The following SLC25A21 variants were observed in gnomAD, a reference collection of about 807,000 sequenced individuals.
The protein encoded by SLC25A21 is solute carrier family 25 member 21, also known as mitochondrial 2-oxodicarboxylate carrier.
In SLC25A21, 47 loss-of-function variants were observed where a neutral mutation model predicts 43.8. The observed-to-expected ratio is 1.07, with a 90% CI of 0.85 to 1.37. The LOEUF (loss-of-function observed/expected upper bound fraction) is 1.37, where lower values mean the gene tolerates loss of function less well. Ranked by LOEUF, SLC25A21 falls within the 40% of genes most tolerant of loss-of-function variation. SLC25A21 has a pLI of 0.00. For missense variants in SLC25A21, 352 were observed against 350.2 expected (o/e 1.00, Z -0.04); for synonymous variants, 131 against 121.3 (o/e 1.08, Z -0.52).
chr14:36,957,734 G>GA (rs1262856545), intron 1 of SLC25A21, among the ~76,000 whole-genome samples: 1 of 152,176 alleles, frequency 6.6e-6, no homozygotes, highest in African/African-American at 2.4e-5. Flanking sequence ...TTTTTGATGA[G>GA]AAAAAAGTGG....
chr14:36,971,416 G>A (rs1959745650), intron 1 of SLC25A21, among the ~76,000 whole-genome samples: 1 of 152,078 alleles, frequency 6.6e-6, no homozygotes. Context: ...GTACAGTAGG[G>A]AGCAGACAAG....
At chr14:36,905,526 A>C (rs1283147876) in intron 1 of SLC25A21, among the ~76,000 whole-genome samples, 5 of 152,200 alleles carry the variant, frequency 3.3e-5, no homozygotes, top group Non-Finnish European at 7.3e-5. Flanking sequence ...TAACAGCAGG[A>C]ACATTATTCT....
intron 7 of SLC25A21, among the ~76,000 whole-genome samples, chr14:36,685,388 G>A (rs943478469): frequency 6.6e-6 from 1 of 152,092 alleles, no homozygotes; most frequent in African/African-American, 2.4e-5. Flanking sequence ...AAGGCTACTC[G>A]CGGTCTGCTG....
chr14:37,099,664 GAA>G (rs2138862564), intron 1 of SLC25A21, among the ~76,000 whole-genome samples: 1 of 152,024 alleles, frequency 6.6e-6, no homozygotes, highest in Admixed American at 6.5e-5. Flanking sequence ...TTTATTTATA[GAA>G]TAAGAATGTT....
chr14:36,939,143 A>C (rs1333562806), intron 1 of SLC25A21, among the ~76,000 whole-genome samples: 1 of 152,144 alleles, frequency 6.6e-6, no homozygotes, highest in Non-Finnish European at 1.5e-5. Flanking sequence ...TTTTGTTGCA[A>C]AATTTTGTGT....
chr14:36,878,109 C>T (rs1249712699), intron 1 of SLC25A21, among the ~76,000 whole-genome samples: 1 of 152,034 alleles, frequency 6.6e-6, no homozygotes, highest in Admixed American at 6.6e-5. Flanking sequence ...GATGTCCCAG[C>T]CCTCTCTCCA....
intron 1 of SLC25A21, among the ~76,000 whole-genome samples, chr14:37,018,636 A>G (rs1960915271): frequency 6.6e-6 from 1 of 151,926 alleles, no homozygotes; most frequent in African/African-American, 2.4e-5. Context: ...CATTTTACCT[A>G]TTACAATAAT....
chr14:37,022,631 G>A (rs2022725), intron 1 of SLC25A21, among the ~76,000 whole-genome samples: 21,600 of 151,818 alleles, frequency 0.14, 1,810 homozygotes, highest in African/African-American at 0.23. Context: ...GTTTTGCTTT[G>A]AGTTTTTCCC....
At position 37,045,803 on chromosome 14, in the gene SLC25A21, C is replaced by T. The variant is rs548565008; in HGVS notation, c.70+126478G>A. ...CCAGGGTTTTGAAGTCACAATTTCT[C>T]CACTCTAGAGCATCCATGAAATGAT... On this transcript the variant is annotated intron_variant, in intron 1 of 9. Transcript: ENST00000331299. Among the ~76,000 whole-genome samples the T allele has an allele frequency of 3.3e-5, 5 of 152,270 alleles. No individual in the cohort carries two copies. The South Asian group carries it at 1.0e-3, about 32-fold the overall frequency.
intron 3 of SLC25A21, among the ~76,000 whole-genome samples, chr14:36,751,064 CTGTT>C (rs1393506083): frequency 6.6e-6 from 1 of 152,220 alleles, no homozygotes; most frequent in Non-Finnish European, 1.5e-5. Flanking sequence ...GTTTCCTCTA[CTGTT>C]TATTTAGGAA....
intron 1 of SLC25A21, among the ~76,000 whole-genome samples, chr14:36,994,393 T>C (rs1960328526): frequency 6.6e-6 from 1 of 152,214 alleles, no homozygotes; most frequent in Non-Finnish European, 1.5e-5. Context: ...ACATTTCCTT[T>C]TCACTGGTCC....
intron 2 of SLC25A21, among the ~76,000 whole-genome samples, chr14:36,831,495 G>A (rs1019632924): frequency 1.3e-5 from 2 of 152,138 alleles, no homozygotes; most frequent in Middle Eastern, 3.2e-3. Context: ...GTATATAGCT[G>A]TACCCAGATA....
At chr14:36,721,045 T>A (rs1469068633) in intron 6 of SLC25A21, among the ~76,000 whole-genome samples, 1 of 152,200 alleles carries the variant, frequency 6.6e-6, no homozygotes, top group Non-Finnish European at 1.5e-5. Flanking sequence ...ATTGGAGCAA[T>A]ATCTCAAAAT....
At chr14:37,157,511 A>C (rs561798333) in intron 1 of SLC25A21, among the ~76,000 whole-genome samples, 1 of 152,350 alleles carries the variant, frequency 6.6e-6, no homozygotes, top group South Asian at 2.1e-4. Context: ...TGAATAATTA[A>C]GATGGAAATG....
chr14:37,021,763 T>C (rs985366795), intron 1 of SLC25A21, among the ~76,000 whole-genome samples: 2 of 151,978 alleles, frequency 1.3e-5, no homozygotes, highest in East Asian at 1.9e-4. Context: ...ATTTTTGTTT[T>C]TGTTGTCTTC....
intron 3 of SLC25A21, among the ~76,000 whole-genome samples, chr14:36,744,220 A>G (rs1381324805): frequency 2.0e-5 from 3 of 152,122 alleles, no homozygotes; most frequent in Admixed American, 2.0e-4. Context: ...AAAAGAGCCT[A>G]AATAGCCAAA....
intron 1 of SLC25A21, among the ~76,000 whole-genome samples, chr14:36,883,378 C>G (rs1890807039): frequency 6.6e-6 from 1 of 152,172 alleles, no homozygotes; most frequent in Admixed American, 6.5e-5. Flanking sequence ...TTCACGTGGA[C>G]CAAGAGTAGT....
At chr14:36,742,323 A>G (rs1193291866) in intron 3 of SLC25A21, among the ~76,000 whole-genome samples, 3 of 152,146 alleles carry the variant, frequency 2.0e-5, no homozygotes, top group Non-Finnish European at 2.9e-5. Flanking sequence ...AACGAAGTCC[A>G]CGCTCAACCC....
At chr14:37,060,332 A>T (rs139985129) in intron 1 of SLC25A21, among the ~76,000 whole-genome samples, 77 of 150,600 alleles carry the variant, frequency 5.1e-4, no homozygotes, top group Non-Finnish European at 9.7e-4. Flanking sequence ...CATCCAGTCT[A>T]TGGTATTTTA....
Sources: allele counts gnomAD v4.1 joint callset (sites outside exome capture counted in the v4.1 genomes callset), GRCh38; gene constraint gnomAD v4.1.1; transcripts MANE v1.5; gene names NCBI Gene and HGNC (gene_info 2026-07-23, HGNC 2026-07-21).